CALD1: variants seen among roughly 807,000 people sequenced by gnomAD.
The protein encoded by CALD1 is caldesmon.
In CALD1, 33 loss-of-function variants were observed where a neutral mutation model predicts 99.9. That is an observed-to-expected ratio of 0.33 (90% CI 0.25 to 0.44). The LOEUF (loss-of-function observed/expected upper bound fraction) is 0.44, where lower values mean the gene tolerates loss of function less well. CALD1 is among the 20% of genes least tolerant of loss of function. The probability of loss-of-function intolerance (pLI) is 1.00; values close to 1 mark genes in which losing one functional copy is unlikely to be tolerated. For missense variants in CALD1, 861 were observed against 962.1 expected, an observed-to-expected ratio of 0.89 and a Z score of 1.39; for synonymous variants, 310 against 325.0, an observed-to-expected ratio of 0.95 and a Z score of 0.50.
chr7:134,938,540 G>A (rs1806174290), intron 6 of CALD1, among the ~76,000 whole-genome samples: 1 of 152,044 alleles, frequency 6.6e-6, no homozygotes, highest in African/African-American at 2.4e-5. Context: ...TAATCCTTCA[G>A]CACGGACGTT....
At chr7:134,714,074 T>C in the CALD1 span, among the ~76,000 whole-genome samples, 10 of 152,090 alleles carry the variant, frequency 6.6e-5, no homozygotes, top group Non-Finnish European at 1.2e-4. Flanking sequence ...CCTCTGTCTC[T>C]TCCTCCTGCT....
chr7:134,711,557 C>T, the CALD1 span, among the ~76,000 whole-genome samples: 3 of 151,508 alleles, frequency 2.0e-5, no homozygotes, highest in African/African-American at 7.3e-5. Flanking sequence ...AGCCTGTCTG[C>T]CTGCTGCGCA....
At chr7:134,816,357 C>A (rs1798564349) in intron 1 of CALD1, among the ~76,000 whole-genome samples, 1 of 152,132 alleles carries the variant, frequency 6.6e-6, no homozygotes, top group Non-Finnish European at 1.5e-5. Context: ...CATTGGCAGC[C>A]ATTTATTGAA....
At chr7:134,827,795 C>T (rs2132050423) in intron 1 of CALD1, among the ~76,000 whole-genome samples, 1 of 152,284 alleles carries the variant, frequency 6.6e-6, no homozygotes, top group African/African-American at 2.4e-5. Flanking sequence ...TTTTTTCATT[C>T]ATTCTTCTGT....
intron 1 of CALD1, among the ~76,000 whole-genome samples, chr7:134,767,898 T>G (rs1796841054): frequency 6.6e-6 from 1 of 152,250 alleles, no homozygotes; most frequent in Non-Finnish European, 1.5e-5. Flanking sequence ...GCTCAGATGT[T>G]GAGTGAATAA....
chr7:134,948,266 A>G (rs1305074891), intron 8 of CALD1, among the ~76,000 whole-genome samples: 1 of 150,540 alleles, frequency 6.6e-6, no homozygotes, highest in Non-Finnish European at 1.5e-5. Flanking sequence ...TAGAATATAA[A>G]GAGGCAGGGA....
the CALD1 span, among the ~76,000 whole-genome samples, chr7:134,727,527 A>G: frequency 6.6e-6 from 1 of 152,256 alleles, no homozygotes; most frequent in Non-Finnish European, 1.5e-5. Context: ...TTTATAAAGT[A>G]GCTTGAGCAG....
chr7:134,730,066 G>C, the CALD1 span, among the ~76,000 whole-genome samples: 1 of 152,106 alleles, frequency 6.6e-6, no homozygotes, highest in Admixed American at 6.5e-5. Context: ...GCTGCTGCCT[G>C]GGGAATGTCT....
intron 7 of CALD1, chr7:134,944,513 A>C (rs1209685817): frequency 3.3e-5 from 5 of 151,512 alleles, no homozygotes; most frequent in Non-Finnish European, 7.4e-5. Flanking sequence ...AGTGTTTAAA[A>C]AGCATGATAT....
intron 3 of CALD1, among the ~76,000 whole-genome samples, chr7:134,870,024 T>C (rs1419304363): frequency 6.6e-6 from 1 of 152,204 alleles, no homozygotes; most frequent in African/African-American, 2.4e-5. Flanking sequence ...AATGCTGTGT[T>C]ATTTCACCTC....
At chr7:134,889,622 G>A (rs369551405) in intron 3 of CALD1, among the ~76,000 whole-genome samples, 27 of 152,236 alleles carry the variant, frequency 1.8e-4, no homozygotes, top group East Asian at 5.8e-4. Flanking sequence ...GGCAAAATTC[G>A]GTAGAAAGAG....
chr7:134,743,455 A>C (rs1412770316), upstream of CALD1, among the ~76,000 whole-genome samples: 1 of 152,166 alleles, frequency 6.6e-6, no homozygotes, highest in African/African-American at 2.4e-5. Context: ...ATCCTGAGCA[A>C]ATCTAAGGGG....
chr7:134,806,310 C>G (rs187654696), intron 1 of CALD1, among the ~76,000 whole-genome samples: 96 of 152,324 alleles, frequency 6.3e-4, no homozygotes, highest in African/African-American at 2.0e-3. Flanking sequence ...TTTCTCCCCC[C>G]AGCCCACGGT....
chr7:134,872,687 G>A (rs1362902563), intron 3 of CALD1, among the ~76,000 whole-genome samples: 1 of 151,842 alleles, frequency 6.6e-6, no homozygotes, highest in Non-Finnish European at 1.5e-5. Flanking sequence ...AAAAGAGGGA[G>A]AAAAAAAATT....
At chr7:134,865,514 G>A (rs1303703608) in intron 2 of CALD1, among the ~76,000 whole-genome samples, 1 of 152,188 alleles carries the variant, frequency 6.6e-6, no homozygotes, top group Non-Finnish European at 1.5e-5. Context: ...GCCCCCACAT[G>A]TATACTCAGC....
intron 1 of CALD1, among the ~76,000 whole-genome samples, chr7:134,832,108 G>A (rs1442435905): frequency 6.6e-6 from 1 of 152,192 alleles, no homozygotes; most frequent in Non-Finnish European, 1.5e-5. Context: ...GTGTATTTAG[G>A]GAGTTATACA....
At chr7:134,945,349 C>T (rs1806772691) in intron 7 of CALD1, among the ~76,000 whole-genome samples, 1 of 152,038 alleles carries the variant, frequency 6.6e-6, no homozygotes, top group African/African-American at 2.4e-5. Flanking sequence ...CAGACTCTAT[C>T]CTGAAGGTTT....
the CALD1 span, among the ~76,000 whole-genome samples, chr7:134,714,269 T>C: frequency 6.6e-6 from 1 of 152,110 alleles, no homozygotes; most frequent in Non-Finnish European, 1.5e-5. Flanking sequence ...CCTAATACAG[T>C]TGGTTTAGAG....
intron 9 of CALD1, among the ~76,000 whole-genome samples, chr7:134,956,606 G>A (rs578075178): frequency 2.6e-5 from 4 of 152,260 alleles, no homozygotes; most frequent in Admixed American, 2.0e-4. Flanking sequence ...CCCAGTCTCC[G>A]GAACTGTGAG....
Sources: gnomAD v4.1 joint callset for allele counts (sites outside exome capture counted in the v4.1 genomes callset) on GRCh38, gnomAD v4.1.1 for gene constraint, MANE v1.5 for transcripts, NCBI Gene and HGNC (gene_info 2026-07-23, HGNC 2026-07-21) for gene names.